Variants in INTS8 observed in about 807,000 individuals in gnomAD.
INTS8 encodes the protein integrator complex subunit 8.
A neutral mutation model predicts 138.9 loss-of-function variants in INTS8; 47 were observed. The ratio of observed to expected loss-of-function variants is 0.34; its 90% CI spans 0.27 to 0.43. INTS8 has a LOEUF of 0.43. Among genes scored for constraint, INTS8 ranks in the 20% least tolerant of loss-of-function variants. The pLI, the probability that INTS8 is intolerant of heterozygous loss-of-function variation, is 1.00. For missense variants in INTS8, 996 were observed against 1,173.0 expected, an observed-to-expected ratio of 0.85 and a Z score of 2.20; for synonymous variants, 392 against 400.9, an observed-to-expected ratio of 0.98 and a Z score of 0.27.
At position 94,825,761 on chromosome 8, in the gene INTS8, C is replaced by T. The variant is rs74965000; in HGVS notation, c.305+694C>T. ...TGATTTATTATCATCCCCTTCTCAT[C>T]ACAATTTAAAACATCCCTTATAGGA... On this transcript the variant is annotated intron_variant, in intron 2 of 26. Coordinates refer to ENST00000523731, the MANE Select transcript of INTS8 (RefSeq NM_017864.4). Among the ~76,000 whole-genome samples the T allele has an allele frequency of 7.2e-3, 1,100 of 152,066 alleles. 6 individuals are homozygous for T. Among genetic ancestry groups the T allele is most frequent in the African/African-American group, 0.025 (1,049 of 41,508 alleles).
At chr8:94,866,219 T>C in intron 18 of INTS8, 28 bp downstream of exon 18, 1 of 1,165,388 alleles carries the variant, frequency 8.6e-7, no homozygotes, top group Non-Finnish European at 1.3e-6. Flanking sequence ...TTGCTCTAAT[T>C]ACTATTGCTG....
chr8:94,873,702 T>C (rs915357659), intron 22 of INTS8: 5 of 458,690 alleles, frequency 1.1e-5, no homozygotes, highest in Non-Finnish European at 2.0e-5. Flanking sequence ...CAAACTGATT[T>C]GTGTCTGTCT....
chr8:94,866,301 T>G, intron 18 of INTS8, 110 bp downstream of exon 18: 1 of 688,652 alleles, frequency 1.5e-6, no homozygotes, highest in Non-Finnish European at 2.7e-6. Context: ...GTTTTTTAAT[T>G]TTTTTTTAAG....
rs1291923250 is a variant in INTS8, at chr8:94,865,643, A to C, written c.2214A>C (p.Arg738Ser). The part of the protein sequence containing the change: ...SSQHKRGNDG[R>S]VSLIKQREST... ...AGCACAAACGAGGAAATGATGGCAGAGTTAGTTTAATAAAACAGAGGGAAT... is the reference window on the plus strand; with the variant it reads ...AGCACAAACGAGGAAATGATGGCAGCGTTAGTTTAATAAAACAGAGGGAAT... Residue 738 changes from arginine (R) to serine (S), a missense_variant, in exon 17 of 27, where the codon AGA becomes AGC. Physicochemically the swap from Arg to Ser is moderately radical, Grantham distance 110. Transcript: ENST00000523731. 1 of 1,614,018 alleles carries C rather than the reference A, an allele frequency of 6.2e-7. No individual in the cohort carries two copies. Among genetic ancestry groups the C allele is most frequent in the African/African-American group, 1.3e-5 (1 of 74,946 alleles).
chr8:94,862,043 C>T (rs1041868195), intron 16 of INTS8, among the ~76,000 whole-genome samples: 13 of 151,932 alleles, frequency 8.6e-5, no homozygotes, highest in African/African-American at 2.9e-4. Flanking sequence ...CAGTTTCAAC[C>T]CATTCTTGTG....
chr8:94,854,025 C>T (rs931261077), intron 14 of INTS8, 110 bp downstream of exon 14: 2 of 635,520 alleles, frequency 3.1e-6, no homozygotes, highest in Non-Finnish European at 5.7e-6. Flanking sequence ...GGCAGATCAA[C>T]TGAGGTCAAG....
Position 94,823,512 on chromosome 8 carries a change from T to A in INTS8, c.81T>A (p.Phe27Leu). 1 of 1,570,266 alleles carries A rather than the reference T, an allele frequency of 6.4e-7. No homozygotes were observed. Residue 27 changes from phenylalanine (F) to leucine (L), a missense_variant, in exon 1 of 27, where the codon TTT becomes TTA. Physicochemically the swap from Phe to Leu is conservative, Grantham distance 22. Transcript: ENST00000523731. ...CGCCGCAGACCTGCTGGTTTGAGTT[T>A]CTGCTGGAGGAGTCACTGTTGGAGA... ...CTPPQTCWFE[F>L]LLEESLLEKH...
chr8:94,832,856 G>A (rs1254566744), intron 6 of INTS8, among the ~76,000 whole-genome samples: 1 of 151,948 alleles, frequency 6.6e-6, no homozygotes, highest in Non-Finnish European at 1.5e-5. Flanking sequence ...GGGTTTCACC[G>A]TGTTGGCCAG....
intron 14 of INTS8, among the ~76,000 whole-genome samples, chr8:94,854,349 GT>G (rs1815667952): frequency 6.6e-6 from 1 of 152,034 alleles, no homozygotes; most frequent in Non-Finnish European, 1.5e-5. Context: ...AGGCATTTTG[GT>G]TTGTTCTTTT....
chr8:94,876,967 TAAC>T (rs1172461058), intron 26 of INTS8, among the ~76,000 whole-genome samples: 1 of 152,246 alleles, frequency 6.6e-6, no homozygotes, highest in Non-Finnish European at 1.5e-5. Context: ...TCTTATAAAG[TAAC>T]AATTTCTGCT....
intron 25 of INTS8, 42 bp from the exon 26 acceptor site, chr8:94,876,404 A>AT (rs1290693571): frequency 7.1e-7 from 1 of 1,405,138 alleles, no homozygotes; most frequent in Non-Finnish European, 1.0e-6. Flanking sequence ...CTCTCATTAT[A>AT]TTTAATACTA....
intron 13 of INTS8, among the ~76,000 whole-genome samples, chr8:94,852,207 T>G (rs1306044944): frequency 6.6e-6 from 1 of 152,174 alleles, no homozygotes; most frequent in Admixed American, 6.5e-5. Flanking sequence ...CCTCCCCAAG[T>G]GTTGGGATTA....
chr8:94,834,720 A>AT (rs1244953298), intron 6 of INTS8, among the ~76,000 whole-genome samples: 2 of 151,604 alleles, frequency 1.3e-5, no homozygotes, highest in African/African-American at 2.4e-5. Flanking sequence ...AAAAAAAAAA[A>AT]GTCAGCCAAA....
At chr8:94,831,528 C>CCGGA (rs1411091853) in intron 5 of INTS8, among the ~76,000 whole-genome samples, 5 of 144,570 alleles carry the variant, frequency 3.5e-5, no homozygotes, top group African/African-American at 1.3e-4. Context: ...GTCACCCAGG[C>CCGGA]CGGAGTGCAG....
intron 10 of INTS8, among the ~76,000 whole-genome samples, chr8:94,843,144 T>G (rs962567797): frequency 2.0e-5 from 3 of 152,236 alleles, no homozygotes; most frequent in African/African-American, 7.2e-5. Flanking sequence ...AGAACATTCT[T>G]TAATTTGCCT....
chr8:94,864,069 T>A (rs1240772695), intron 16 of INTS8, among the ~76,000 whole-genome samples: 2 of 152,240 alleles, frequency 1.3e-5, no homozygotes, highest in Non-Finnish European at 2.9e-5. Context: ...GATGAAATAT[T>A]GTGTCTAACT....
Position 94,825,017 on chromosome 8 carries a change from T to C in INTS8, c.255T>C (p.Ala85=). The C allele has an allele frequency of 6.2e-7, 1 of 1,612,402 alleles. No individual in the cohort carries two copies. Among genetic ancestry groups the C allele is most frequent in the Non-Finnish European group, 8.5e-7 (1 of 1,178,658 alleles). The change falls in exon 2 of 27, where the codon GCT becomes GCC. Residue 85 remains alanine, a synonymous_variant. Transcript: ENST00000523731. ...NKRNRILKLL[A]LKVAAHLKWD... is the part of the protein sequence containing the mutation. ...GAAATCGTATTTTAAAACTACTTGCTCTTAAAGTTGCTGCACATTTGAAGT... is the reference window on the plus strand; with the variant it reads ...GAAATCGTATTTTAAAACTACTTGCCCTTAAAGTTGCTGCACATTTGAAGT...
intron 3 of INTS8, 93 bp downstream of exon 3, chr8:94,827,496 C>A: frequency 1.4e-6 from 2 of 1,417,518 alleles, no homozygotes; most frequent in Non-Finnish European, 2.0e-6. Context: ...ACCCATTCTG[C>A]TGCAGGGATT....
At position 94,824,884 on chromosome 8, in the gene INTS8, A is replaced by G. The variant is rs145234611; in HGVS notation, c.131-9A>G. 0.014 allele frequency: 21,942 copies of G among 1,562,226 alleles called. 307 individuals are homozygous for G. The highest frequency in any genetic ancestry group is 0.07 in the East Asian group (3,057 of 43,376). Reference sequence around the variant, plus strand: ...TAAATTTAAGAATTTATTTTCTTTTAAACCCTAGATCCTGCACCAGTTCAA... The same window carrying G: ...TAAATTTAAGAATTTATTTTCTTTTGAACCCTAGATCCTGCACCAGTTCAA... On this transcript the variant is annotated splice_polypyrimidine_tract_variant and intron_variant, in intron 1 of 26. Transcript: ENST00000523731.
Sources: allele counts gnomAD v4.1 joint callset (sites outside exome capture counted in the v4.1 genomes callset), GRCh38; gene constraint gnomAD v4.1.1; transcripts MANE v1.5; gene names NCBI Gene and HGNC (gene_info 2026-07-23, HGNC 2026-07-21).